The following HCRTR2 variants were observed in gnomAD, a reference collection of about 807,000 sequenced individuals.
The protein encoded by HCRTR2 is orexin receptor type 2.
Under a neutral mutation model 49.0 loss-of-function variants are expected in HCRTR2, and 22 were observed. That is an observed-to-expected ratio of 0.45 (90% CI 0.32 to 0.64). The LOEUF is 0.64. Ranked by LOEUF, HCRTR2 falls within the 30% of genes least tolerant of loss-of-function variation. The pLI is 0.04. For synonymous variants in HCRTR2, 236 were observed against 205.3 expected (o/e 1.15, Z -1.28); for missense variants, 491 against 559.4 (o/e 0.88, Z 1.23).
At chr6:55,224,115 A>T (rs948665400) in intron 1 of HCRTR2, among the ~76,000 whole-genome samples, 1 of 152,218 alleles carries the variant, frequency 6.6e-6, no homozygotes, top group Non-Finnish European at 1.5e-5. Flanking sequence ...ATGAAAGTCA[A>T]TTCAAAGTGT....
At chr6:55,284,653 A>C (rs1349584375), downstream of HCRTR2, among the ~76,000 whole-genome samples, 1 of 151,768 alleles carries the variant, frequency 6.6e-6, no homozygotes, top group Non-Finnish European at 1.5e-5. Flanking sequence ...GTTGACTCTC[A>C]CTCATGTCAT....
chr6:55,276,778 A>G (rs1038508707), intron 4 of HCRTR2, among the ~76,000 whole-genome samples: 2 of 152,236 alleles, frequency 1.3e-5, no homozygotes, highest in African/African-American at 4.8e-5. Flanking sequence ...GGGCTGGACC[A>G]CAAAACTGAT....
chr6:55,153,207 T>C (rs1764686001), intron 1 of HCRTR2, among the ~76,000 whole-genome samples: 1 of 152,016 alleles, frequency 6.6e-6, no homozygotes, highest in Non-Finnish European at 1.5e-5. Context: ...TTCTGTTCTA[T>C]TGGTCAACAT....
intron 1 of HCRTR2, among the ~76,000 whole-genome samples, chr6:55,235,658 T>C (rs1336381313): frequency 1.3e-5 from 2 of 152,074 alleles, no homozygotes; most frequent in Non-Finnish European, 2.9e-5. Flanking sequence ...TTGTATATGA[T>C]GTGATGTAGA....
At chr6:55,136,742 G>A (rs765575895) in intron 1 of HCRTR2, among the ~76,000 whole-genome samples, 49 of 152,076 alleles carry the variant, frequency 3.2e-4, no homozygotes, top group Non-Finnish European at 6.5e-4. Flanking sequence ...TTTTAATTAG[G>A]ATAAGCAGTA....
intron 1 of HCRTR2, among the ~76,000 whole-genome samples, chr6:55,182,731 G>T (rs1443473410): frequency 6.6e-6 from 1 of 152,164 alleles, no homozygotes; most frequent in Non-Finnish European, 1.5e-5. Context: ...ATAAGTTGTT[G>T]CACAGCCTCT....
Position 55,260,455 on chromosome 6 carries a change from T to C in HCRTR2, c.647-3252T>C, listed in dbSNP as rs73443268. On this transcript the variant is annotated intron_variant, in intron 3 of 6. Coordinates refer to ENST00000370862, the MANE Select transcript of HCRTR2 (RefSeq NM_001384272.1). ...TTTCTCAAGTCAGAATGCTTGAATGTTATCACTTTTTATGTAACTGGCCTG... is the reference window on the plus strand; with the variant it reads ...TTTCTCAAGTCAGAATGCTTGAATGCTATCACTTTTTATGTAACTGGCCTG... 3.3e-3 allele frequency among the ~76,000 whole-genome samples: 509 copies of C among 152,280 alleles called. 1 individual carries two copies. Among genetic ancestry groups the C allele is most frequent in the African/African-American group, 0.012 (481 of 41,560 alleles).
At chr6:55,278,082 G>A (rs1469298982) in intron 5 of HCRTR2, among the ~76,000 whole-genome samples, 2 of 152,098 alleles carry the variant, frequency 1.3e-5, no homozygotes, top group African/African-American at 4.8e-5. Context: ...TTTAAAAAAA[G>A]CCATCAAGGC....
chr6:55,157,050 A>G (rs1285850632), intron 1 of HCRTR2, among the ~76,000 whole-genome samples: 1 of 152,188 alleles, frequency 6.6e-6, no homozygotes, highest in Non-Finnish European at 1.5e-5. Flanking sequence ...ATCATTAAAA[A>G]AAGGCATTTA....
chr6:55,221,779 C>T (rs1765902351), intron 1 of HCRTR2, among the ~76,000 whole-genome samples: 1 of 149,950 alleles, frequency 6.7e-6, no homozygotes, highest in Non-Finnish European at 1.5e-5. Flanking sequence ...CGCCACTGCA[C>T]TCCAGCCTGG....
At chr6:55,226,712 T>G (rs933396244) in intron 1 of HCRTR2, among the ~76,000 whole-genome samples, 20 of 40,996 alleles carry the variant, frequency 4.9e-4, no homozygotes, top group Admixed American at 2.2e-3. Context: ...ATTCCAGGTG[T>G]TTTTTTTTTT....
In HCRTR2 at chr6:55,255,117, T is replaced by A; in HGVS notation, c.403-19T>A. The A allele has an allele frequency of 6.2e-7, 1 of 1,613,558 alleles. No individual in the cohort carries two copies. Among genetic ancestry groups the A allele is most frequent in the Admixed American group, 1.7e-5 (1 of 59,920 alleles). Reference sequence around the variant, plus strand: ...AACAGCTGGTGCTTCTCTATTACTATGATCTTTCTTTTCTCTAGACCGTGT... The same window carrying A: ...AACAGCTGGTGCTTCTCTATTACTAAGATCTTTCTTTTCTCTAGACCGTGT... On this transcript the variant is annotated intron_variant, in intron 2 of 6. Transcript: ENST00000370862.
chr6:55,108,552 T>G (rs1318359190), intron 1 of HCRTR2, among the ~76,000 whole-genome samples: 2 of 151,602 alleles, frequency 1.3e-5, no homozygotes, highest in South Asian at 4.2e-4. Context: ...AAATCCTTCA[T>G]GAGAGAGAAG....
chr6:55,153,418 T>C (rs73743262), intron 1 of HCRTR2, among the ~76,000 whole-genome samples: 1,977 of 152,154 alleles, frequency 0.013, 46 homozygotes, highest in African/African-American at 0.045. Flanking sequence ...CTGAATATTA[T>C]AGACAATTGT....
chr6:55,205,217 T>A (rs1050020831), intron 1 of HCRTR2, among the ~76,000 whole-genome samples: 2 of 152,312 alleles, frequency 1.3e-5, no homozygotes, highest in African/African-American at 4.8e-5. Context: ...AGCACATACT[T>A]GGTATCTAAA....
chr6:55,149,630 C>T (rs1764638148), intron 1 of HCRTR2, among the ~76,000 whole-genome samples: 1 of 151,930 alleles, frequency 6.6e-6, no homozygotes, highest in Non-Finnish European at 1.5e-5. Context: ...AGTTTGCAAG[C>T]CAGCATTTAT....
intron 1 of HCRTR2, among the ~76,000 whole-genome samples, chr6:55,235,071 CAAAA>C (rs1766188817): frequency 6.6e-6 from 1 of 152,044 alleles, no homozygotes; most frequent in Non-Finnish European, 1.5e-5. Context: ...AAATTAGACA[CAAAA>C]TAACACATAA....
At chr6:55,167,477 T>C (rs1561993281) in intron 1 of HCRTR2, among the ~76,000 whole-genome samples, 1 of 152,090 alleles carries the variant, frequency 6.6e-6, no homozygotes, top group Non-Finnish European at 1.5e-5. Flanking sequence ...GCTGCTCACC[T>C]AAAAGTAAAT....
intron 1 of HCRTR2, among the ~76,000 whole-genome samples, chr6:55,159,060 G>A (rs1173092321): frequency 1.3e-5 from 2 of 152,206 alleles, no homozygotes; most frequent in Non-Finnish European, 2.9e-5. Context: ...GGAGAGCTCC[G>A]GCTGGTATCT....
Sources: gnomAD v4.1 joint callset for allele counts (sites outside exome capture counted in the v4.1 genomes callset) on GRCh38, gnomAD v4.1.1 for gene constraint, MANE v1.5 for transcripts, NCBI Gene and HGNC (gene_info 2026-07-23, HGNC 2026-07-21) for gene names.